The following GALNS variants were observed in gnomAD, a reference collection of about 807,000 sequenced individuals.
The protein encoded by GALNS is galactosamine (N-acetyl)-6-sulfatase.
Under a neutral mutation model 65.9 loss-of-function variants are expected in GALNS, and 65 were observed. The observed-to-expected ratio is 0.99, with a 90% CI of 0.81 to 1.21. The LOEUF (loss-of-function observed/expected upper bound fraction) is 1.21, where lower values mean the gene tolerates loss of function less well. GALNS is among the 50% of genes most tolerant of loss of function. The pLI, the probability that GALNS is intolerant of heterozygous loss-of-function variation, is 0.00. For synonymous variants in GALNS, 346 were observed against 288.9 expected, an observed-to-expected ratio of 1.20 and a Z score of -2.00; for missense variants, 776 against 700.7, an observed-to-expected ratio of 1.11 and a Z score of -1.21.
chr16:88,848,095 A>G (rs1345607867), intron 1 of GALNS, among the ~76,000 whole-genome samples: 1 of 152,240 alleles, frequency 6.6e-6, no homozygotes, highest in Non-Finnish European at 1.5e-5. Context: ...CACAAGGCCC[A>G]TGAGCCGTAA....
intron 9 of GALNS, among the ~76,000 whole-genome samples, chr16:88,827,743 G>C (rs1326549360): frequency 6.6e-6 from 1 of 152,212 alleles, no homozygotes; most frequent in African/African-American, 2.4e-5. Flanking sequence ...CGGCGGCCCT[G>C]TCTCTTTCTT....
Position 88,824,653 on chromosome 16 carries a change from G to C in GALNS, c.1242+114C>G, listed in dbSNP as rs74035847. The C allele has an allele frequency of 9.7e-6, 8 of 827,100 alleles. No individual in the cohort carries two copies. The African/African-American group carries it at 1.0e-4, about 10-fold the overall frequency. The allele number at this position is 827,100 out of a possible 1,614,324, so 51.2% of individuals were successfully genotyped here. ...CCACACAGAGAAGGCTGTGGAGGGG[G>C]TGGAGTTCCTGCCTGTCTCACCCTC... On this transcript the variant is annotated intron_variant, in intron 11 of 13. Transcript: ENST00000268695.
At chr16:88,817,574 C>T (rs776468521) in intron 13 of GALNS, among the ~76,000 whole-genome samples, 2 of 152,226 alleles carry the variant, frequency 1.3e-5, no homozygotes, top group East Asian at 1.9e-4. Context: ...GTTCCTGCCT[C>T]GGTGCCTTCA....
chr16:88,825,758 G>A (rs1001096714), intron 10 of GALNS, among the ~76,000 whole-genome samples: 2 of 152,074 alleles, frequency 1.3e-5, no homozygotes, highest in Non-Finnish European at 2.9e-5. Context: ...AGTCAGGAAC[G>A]GGGAGTGGGG....
intron 1 of GALNS, among the ~76,000 whole-genome samples, chr16:88,848,753 C>T (rs552764941): frequency 3.9e-5 from 6 of 152,164 alleles, no homozygotes; most frequent in African/African-American, 1.4e-4. Context: ...GAAGCCCTCA[C>T]CGGGGGCGGG....
At position 88,841,185 on chromosome 16, in the gene GALNS, C is replaced by T; in HGVS notation, c.320-91G>A. 1.0e-5 allele frequency: 10 copies of T among 974,290 alleles called. 1 individual carries two copies. Among genetic ancestry groups the T allele is most frequent in the Middle Eastern group, 2.5e-4 (1 of 4,054 alleles). 60.4% of individuals were successfully genotyped at this position (974,290 alleles called of 1,614,324 possible). ...CAGGACACTGGGGGCTGCGTCCACA[C>T]ATCCTAACAGGACACTGGCCCCTCG... On this transcript the variant is annotated intron_variant, in intron 3 of 13. Transcript: ENST00000268695.
intron 11 of GALNS, among the ~76,000 whole-genome samples, chr16:88,823,877 C>T (rs977148588): frequency 6.6e-6 from 1 of 151,998 alleles, no homozygotes; most frequent in Non-Finnish European, 1.5e-5. Flanking sequence ...GGGACCGATG[C>T]CCAGGATGGC....
intron 12 of GALNS, among the ~76,000 whole-genome samples, chr16:88,819,697 T>C (rs1348664246): frequency 6.6e-6 from 1 of 151,816 alleles, no homozygotes; most frequent in Non-Finnish European, 1.5e-5. Flanking sequence ...TGGCTAATTT[T>C]AATTATTATT....
At chr16:88,856,731 C>T in intron 1 of GALNS, 27 bp downstream of exon 1, 2 of 1,412,194 alleles carry the variant, frequency 1.4e-6, no homozygotes, top group Non-Finnish European at 1.9e-6. Flanking sequence ...CACCCCGGCC[C>T]TGCCCCGTCC....
intron 11 of GALNS, among the ~76,000 whole-genome samples, chr16:88,824,509 T>C (rs984511638): frequency 9.2e-5 from 14 of 152,108 alleles, no homozygotes; most frequent in Non-Finnish European, 1.8e-4. Context: ...GACCAGGGTC[T>C]AGGCCACGCC....
intron 13 of GALNS, chr16:88,815,156 C>T (rs911171335): frequency 1.0e-6 from 1 of 985,504 alleles, no homozygotes; most frequent in Non-Finnish European, 1.2e-6. Flanking sequence ...ATCATGGGAA[C>T]TTGGGAGATG....
chr16:88,832,275 T>C (rs1911589469), intron 8 of GALNS, among the ~76,000 whole-genome samples, 174 bp from the exon 9 acceptor site: 1 of 152,104 alleles, frequency 6.6e-6, no homozygotes, highest in African/African-American at 2.4e-5. Flanking sequence ...TCATCTGAGA[T>C]GCCGCGGCTG....
chr16:88,827,770 G>T (rs183679073), intron 9 of GALNS, among the ~76,000 whole-genome samples: 1 of 152,178 alleles, frequency 6.6e-6, no homozygotes. Flanking sequence ...GGGGCTCCAG[G>T]CTTGGGTCAC....
chr16:88,855,465 T>G, intron 1 of GALNS: 3 of 702,864 alleles, frequency 4.3e-6, no homozygotes, highest in Admixed American at 2.0e-5. Context: ...AAGGCCCGGC[T>G]ACTGCTGTCA....
intron 9 of GALNS, among the ~76,000 whole-genome samples, chr16:88,831,270 T>A (rs1225162058): frequency 1.5e-3 from 114 of 78,576 alleles, no homozygotes; most frequent in African/African-American, 5.1e-3. Flanking sequence ...GAGCACGGGG[T>A]GCGTGGGGAG....
At chr16:88,843,318 A>G in intron 1 of GALNS, 3 of 770,878 alleles carry the variant, frequency 3.9e-6, no homozygotes, top group Non-Finnish European at 5.6e-6. Flanking sequence ...TCCACGCTGC[A>G]ACTCCACTCC....
At position 88,841,885 on chromosome 16, in the gene GALNS, T is replaced by C. The variant is rs1597581711; in HGVS notation, c.319+12A>G. ...ACCCCAAGGGTGTCCCTGGAGGCGGTGGGCAGCCTACCGTTTCTGGCATGG... is the reference window on the plus strand; with the variant it reads ...ACCCCAAGGGTGTCCCTGGAGGCGGCGGGCAGCCTACCGTTTCTGGCATGG... On this transcript the variant is annotated intron_variant, in intron 3 of 13. Transcript: ENST00000268695. 6.2e-7 allele frequency: 1 copy of C among 1,610,608 alleles called. No homozygotes were observed. The highest frequency in any genetic ancestry group is 8.5e-7 in the Non-Finnish European group (1 of 1,178,502).
chr16:88,853,486 G>T (rs1967604527), intron 1 of GALNS, among the ~76,000 whole-genome samples: 1 of 152,138 alleles, frequency 6.6e-6, no homozygotes, highest in Non-Finnish European at 1.5e-5. Flanking sequence ...GGCTCGACGA[G>T]GCTGCTGTGG....
rs1200829562 is a variant in GALNS, at chr16:88,841,751, C to T, written c.319+146G>A. The T allele has an allele frequency of 1.5e-5, 11 of 755,368 alleles. No individual in the cohort carries two copies. In the Middle Eastern group the frequency reaches 1.0e-3, roughly 72 times the overall value. 46.8% of individuals were successfully genotyped at this position (755,368 alleles called of 1,614,324 possible). On this transcript the variant is annotated intron_variant, in intron 3 of 13. Coordinates refer to ENST00000268695, the MANE Select transcript of GALNS (RefSeq NM_000512.5). ...AGGAAGCCAGCTAGGGGGGCCTGCA[C>T]TTCCACCTAAGTCCCAGAGACCCAG...
Sources: gnomAD v4.1 joint callset for allele counts (sites outside exome capture counted in the v4.1 genomes callset) on GRCh38, gnomAD v4.1.1 for gene constraint, MANE v1.5 for transcripts, NCBI Gene and HGNC (gene_info 2026-07-23, HGNC 2026-07-21) for gene names.